Variants in TRHDE observed in about 807,000 individuals in gnomAD.
The protein encoded by TRHDE is thyrotropin-releasing hormone-degrading ectoenzyme.
A neutral mutation model predicts 125.7 loss-of-function variants in TRHDE; 72 were observed. The ratio of observed to expected loss-of-function variants is 0.57; its 90% CI spans 0.47 to 0.70. The LOEUF (loss-of-function observed/expected upper bound fraction) is 0.70, where lower values mean the gene tolerates loss of function less well. Ranked by LOEUF, TRHDE falls within the 30% of genes least tolerant of loss-of-function variation. The probability of loss-of-function intolerance (pLI) is 0.00; values close to 1 mark genes in which losing one functional copy is unlikely to be tolerated. For missense variants in TRHDE, 1,110 were observed against 1,327.1 expected (o/e 0.84, Z 2.54); for synonymous variants, 509 against 509.1 (o/e 1.00, Z 0.00).
chr12:72,156,458 T>C (rs997849520), intron 2 of TRHDE, among the ~76,000 whole-genome samples: 2 of 152,220 alleles, frequency 1.3e-5, no homozygotes, highest in South Asian at 2.1e-4. Flanking sequence ...CAGCTGGAAA[T>C]GCAGAAATCA....
intron 7 of TRHDE, among the ~76,000 whole-genome samples, chr12:72,559,574 C>A (rs1366946245): frequency 7.9e-5 from 12 of 151,952 alleles, no homozygotes; most frequent in Admixed American, 7.2e-4. Context: ...TTATTTGATT[C>A]CTTACAATAA....
chr12:72,482,927 C>T (rs1008505554), intron 5 of TRHDE, among the ~76,000 whole-genome samples: 28 of 150,614 alleles, frequency 1.9e-4, no homozygotes, highest in African/African-American at 6.2e-4. Flanking sequence ...AAATTGTTGG[C>T]TTCTTTAGAG....
intron 3 of TRHDE, among the ~76,000 whole-genome samples, chr12:72,416,989 A>G (rs759240053): frequency 3.9e-5 from 6 of 152,060 alleles, no homozygotes; most frequent in Non-Finnish European, 7.4e-5. Context: ...GATTCTTCCA[A>G]TCCATGAACA....
intron 6 of TRHDE, among the ~76,000 whole-genome samples, chr12:72,520,396 C>G (rs1346484823): frequency 6.6e-6 from 1 of 152,152 alleles, no homozygotes; most frequent in Non-Finnish European, 1.5e-5. Flanking sequence ...TGGGAGTGAC[C>G]TGATTTTCCA....
At chr12:72,160,851 T>C (rs997025272) in intron 2 of TRHDE, among the ~76,000 whole-genome samples, 1 of 152,358 alleles carries the variant, frequency 6.6e-6, no homozygotes, top group South Asian at 2.1e-4. Context: ...CAGTTCTAAA[T>C]ACTAGAATTC....
At chr12:72,496,887 A>C (rs1327263811) in intron 5 of TRHDE, among the ~76,000 whole-genome samples, 3 of 152,102 alleles carry the variant, frequency 2.0e-5, no homozygotes, top group Non-Finnish European at 4.4e-5. Context: ...TTATAGTGAC[A>C]CAGGTCTTTA....
At chr12:72,567,293 CAT>C (rs151151802) in intron 9 of TRHDE, among the ~76,000 whole-genome samples, 2,249 of 151,556 alleles carry the variant, frequency 0.015, 57 homozygotes, top group African/African-American at 0.051. Flanking sequence ...AGTATCTCCA[CAT>C]AGTTTGCCCT....
intron 12 of TRHDE, among the ~76,000 whole-genome samples, chr12:72,605,495 CA>C (rs1265175688): frequency 2.6e-5 from 4 of 152,058 alleles, no homozygotes; most frequent in Non-Finnish European, 5.9e-5. Flanking sequence ...CAAGTGGACA[CA>C]ACTGTATTTT....
Position 72,665,668 on chromosome 12 carries a change from G to A in TRHDE, c.*2473G>A, listed in dbSNP as rs140491407. On this transcript the variant is annotated 3_prime_UTR_variant, in exon 19 of 19. Coordinates refer to ENST00000261180, the MANE Select transcript of TRHDE (RefSeq NM_013381.3). ...GAGTTTTTATCTTTTCTTTTTTGTC[G>A]GCTTTACAAATTATATGTATGCATG... The A allele has an allele frequency of 7.3e-5, 11 of 150,942 alleles. No individual in the cohort carries two copies. The highest frequency in any genetic ancestry group is 1.9e-4 in the African/African-American group (8 of 41,210). The allele number at this position is 150,942 out of a possible 1,614,324, so 9.4% of individuals were successfully genotyped here.
intron 1 of TRHDE, among the ~76,000 whole-genome samples, chr12:72,284,861 T>G (rs2139425333): frequency 6.6e-6 from 1 of 152,310 alleles, no homozygotes. Context: ...CTCTTTTCCA[T>G]ATATTATCTC....
At chr12:72,511,651 G>A (rs1878585629) in intron 6 of TRHDE, among the ~76,000 whole-genome samples, 1 of 152,050 alleles carries the variant, frequency 6.6e-6, no homozygotes, top group Non-Finnish European at 1.5e-5. Flanking sequence ...ACCACTTACT[G>A]GTAAATTATT....
intron 12 of TRHDE, among the ~76,000 whole-genome samples, chr12:72,581,574 A>G (rs369433441): frequency 6.6e-6 from 1 of 152,258 alleles, no homozygotes; most frequent in East Asian, 1.9e-4. Flanking sequence ...GTGCATATCT[A>G]TTGTGTTTTT....
chr12:72,117,561 G>A (rs1034999855), intron 2 of TRHDE, among the ~76,000 whole-genome samples: 32 of 152,068 alleles, frequency 2.1e-4, no homozygotes, highest in African/African-American at 7.7e-4. Context: ...TCTATTCTGG[G>A]TCTTTTGTTG....
At chr12:72,257,087 ATTG>A (rs1365954408) in intron 2 of TRHDE, 1 of 152,098 alleles carries the variant, frequency 6.6e-6, no homozygotes, top group East Asian at 1.9e-4. Flanking sequence ...CTTTGTTGTA[ATTG>A]TTGTCATCTT....
At chr12:72,139,993 G>A (rs1876078013) in intron 2 of TRHDE, 2 of 152,162 alleles carry the variant, frequency 1.3e-5, no homozygotes, top group Admixed American at 6.5e-5. Flanking sequence ...ACAGATAGCA[G>A]GCTCTGAAAG....
At chr12:72,234,689 A>C (rs1411411637) in intron 2 of TRHDE, among the ~76,000 whole-genome samples, 2 of 152,176 alleles carry the variant, frequency 1.3e-5, no homozygotes, top group African/African-American at 2.4e-5. Flanking sequence ...TAGAGGAGAG[A>C]AAATAATGTA....
intron 3 of TRHDE, among the ~76,000 whole-genome samples, chr12:72,398,296 G>C (rs552386471): frequency 1.2e-4 from 18 of 151,974 alleles, no homozygotes; most frequent in Admixed American, 2.0e-4. Context: ...ATAAACATAC[G>C]TGTGCATGTG....
intron 2 of TRHDE, among the ~76,000 whole-genome samples, chr12:72,109,075 C>G (rs140734118): frequency 2.9e-3 from 445 of 152,142 alleles, no homozygotes; most frequent in Non-Finnish European, 4.5e-3. Context: ...ATGAATCACT[C>G]CACAATTATC....
At chr12:72,221,467 C>T (rs1039683315) in intron 2 of TRHDE, among the ~76,000 whole-genome samples, 2 of 151,930 alleles carry the variant, frequency 1.3e-5, no homozygotes, top group Admixed American at 6.6e-5. Flanking sequence ...AAAATTCATC[C>T]AGCAGACTAG....
Sources: gnomAD v4.1 joint callset for allele counts (sites outside exome capture counted in the v4.1 genomes callset) on GRCh38, gnomAD v4.1.1 for gene constraint, MANE v1.5 for transcripts, NCBI Gene and HGNC (gene_info 2026-07-23, HGNC 2026-07-21) for gene names.